NRP1: variants seen among roughly 807,000 people sequenced by gnomAD.
NRP1 encodes neuropilin-1.
In NRP1, 35 loss-of-function variants were observed where a neutral mutation model predicts 106.7. The observed-to-expected ratio is 0.33, with a 90% CI of 0.25 to 0.43. The LOEUF is 0.43. NRP1 is among the 20% of genes least tolerant of loss of function. The pLI is 1.00. For synonymous variants in NRP1, 437 were observed against 417.9 expected (o/e 1.05, Z -0.56); for missense variants, 1,024 against 1,170.4 (o/e 0.87, Z 1.83).
intron 2 of NRP1, among the ~76,000 whole-genome samples, chr10:33,290,914 A>G (rs1844948014): frequency 1.3e-5 from 2 of 152,122 alleles, no homozygotes; most frequent in Non-Finnish European, 2.9e-5. Context: ...TAATTTAAAC[A>G]TGGTCTCGTG....
At chr10:33,180,566 G>A (rs544804413) in intron 16 of NRP1, among the ~76,000 whole-genome samples, 6 of 152,272 alleles carry the variant, frequency 3.9e-5, no homozygotes, top group African/African-American at 9.6e-5. Flanking sequence ...TGCTTAGCAC[G>A]TGGAAACAAC....
intron 2 of NRP1, among the ~76,000 whole-genome samples, chr10:33,286,511 G>A (rs1844564886): frequency 6.6e-6 from 1 of 152,142 alleles, no homozygotes; most frequent in African/African-American, 2.4e-5. Flanking sequence ...TTTGGAGCAA[G>A]GATCCAGGAA....
At chr10:33,211,490 G>C (rs1398921044) in intron 9 of NRP1, 1 of 152,162 alleles carries the variant, frequency 6.6e-6, no homozygotes. Context: ...CAAGAAAAAA[G>C]GTAGCTGCAC....
At chr10:33,330,572 CAT>C (rs1848205583) in intron 2 of NRP1, 134 bp downstream of exon 2, 4 of 608,358 alleles carry the variant, frequency 6.6e-6, no homozygotes, top group Non-Finnish European at 1.0e-5. Flanking sequence ...ATACCATTGA[CAT>C]ATAATCTGGC....
chr10:33,232,190 C>T (rs995379164), intron 6 of NRP1, among the ~76,000 whole-genome samples: 1 of 152,170 alleles, frequency 6.6e-6, no homozygotes, highest in African/African-American at 2.4e-5. Flanking sequence ...AGTACTTCTA[C>T]ACAATGCCAC....
At chr10:33,318,067 T>C (rs1288655057) in intron 2 of NRP1, among the ~76,000 whole-genome samples, 1 of 152,224 alleles carries the variant, frequency 6.6e-6, no homozygotes, top group Non-Finnish European at 1.5e-5. Flanking sequence ...TATGTGTCTC[T>C]TGTATTCATA....
chr10:33,294,060 G>A (rs533616725), intron 2 of NRP1, among the ~76,000 whole-genome samples: 1 of 152,306 alleles, frequency 6.6e-6, no homozygotes, highest in South Asian at 2.1e-4. Flanking sequence ...AGTAGAATCT[G>A]TGGGCTTTGC....
At chr10:33,226,537 AGCAAG>A in intron 6 of NRP1, among the ~76,000 whole-genome samples, 1 of 152,368 alleles carries the variant, frequency 6.6e-6, no homozygotes, top group East Asian at 1.9e-4. Context: ...ACCTTGTCCC[AGCAAG>A]GGCATTCCAA....
chr10:33,232,676 G>A (rs1375899650), intron 6 of NRP1, among the ~76,000 whole-genome samples: 2 of 118,780 alleles, frequency 1.7e-5, no homozygotes, highest in Admixed American at 2.2e-4. Context: ...CAGAGTCTCA[G>A]TCTGTCCCCT....
At chr10:33,185,856 C>G (rs940053855) in intron 14 of NRP1, 132 bp from the exon 15 acceptor site, 13 of 759,144 alleles carry the variant, frequency 1.7e-5, no homozygotes, top group Non-Finnish European at 2.6e-5. Flanking sequence ...AGACTTCACT[C>G]ATCAATCCAC....
chr10:33,231,468 T>C (rs1481626111), intron 6 of NRP1, among the ~76,000 whole-genome samples: 1 of 152,178 alleles, frequency 6.6e-6, no homozygotes, highest in African/African-American at 2.4e-5. Context: ...AAAAATAAGG[T>C]CATATTACCT....
chr10:33,270,678 T>C lies in NRP1; in HGVS notation c.427A>G (p.Arg143Gly), dbSNP rs1250979931. ...GFSIRYEIFK[R>G]GPECSQNYTT... is the part of the protein sequence containing the mutation. ...CTACCGTAAGCTGTTCACTCACCTC[T>C]CTTGAAAATTTCATAACGTATGGAA... Residue 143 changes from arginine (R) to glycine (G), a missense_variant, in exon 3 of 17, where the codon AGA becomes GGA. By Grantham distance (125) the Arg-to-Gly change is moderately radical. Around this residue, in one of 5 missense-constraint regions of NRP1, gnomAD observed 279 missense variants for 327.4 expected, o/e 0.85. Coordinates refer to ENST00000374867, the MANE Select transcript of NRP1 (RefSeq NM_003873.7). 1 of 1,609,142 alleles carries C rather than the reference T, an allele frequency of 6.2e-7. No homozygotes were observed. Among genetic ancestry groups the C allele is most frequent in the African/African-American group, 1.3e-5 (1 of 74,808 alleles).
chr10:33,190,880 T>C (rs1048328367), intron 13 of NRP1, among the ~76,000 whole-genome samples: 2 of 152,010 alleles, frequency 1.3e-5, no homozygotes, highest in African/African-American at 4.8e-5. Context: ...TAGAGACAGG[T>C]TCTAATTCTG....
chr10:33,293,346 TCCTTAGAATTTTACAACCTG>T (rs1845137317), intron 2 of NRP1, among the ~76,000 whole-genome samples: 1 of 152,174 alleles, frequency 6.6e-6, no homozygotes, highest in Admixed American at 6.5e-5. Flanking sequence ...AACAGGGGCC[TCCTTAGAATTTTACAACCTG>T]TTTGGACTGT....
chr10:33,232,526 CTG>C (rs957737104), intron 6 of NRP1, among the ~76,000 whole-genome samples: 2 of 151,390 alleles, frequency 1.3e-5, no homozygotes, highest in Admixed American at 6.6e-5. Flanking sequence ...ACATTTCCCT[CTG>C]TGTGTGTGAC....
rs533391691 is a variant in NRP1 at position 33,250,998 on chromosome 10, C to T, written c.981+3030G>A. On this transcript the variant is annotated intron_variant, in intron 6 of 16. Transcript: ENST00000374867. ...GAGACCCAAGAACCATCATGATGAG[C>T]TGCAATCTTCCTCCCTCTGTGATAT... Among the ~76,000 whole-genome samples, 306 of 152,260 alleles carry T rather than the reference C, an allele frequency of 2.0e-3. 2 individuals are homozygous for T. The highest frequency in any genetic ancestry group is 7.2e-3 in the African/African-American group (301 of 41,540).
At chr10:33,294,558 T>C (rs982859822) in intron 2 of NRP1, among the ~76,000 whole-genome samples, 6 of 145,068 alleles carry the variant, frequency 4.1e-5, no homozygotes, top group Admixed American at 3.6e-4. Flanking sequence ...GCAGAGATTG[T>C]GGTGAGTTGA....
chr10:33,194,655 T>C, intron 12 of NRP1: 2 of 478,410 alleles, frequency 4.2e-6, no homozygotes, highest in South Asian at 3.1e-5. Flanking sequence ...ACTGCTCTTT[T>C]ATCTTCTTGT....
Position 33,260,027 on chromosome 10 carries a change from A to T in NRP1, c.659-3556T>A, listed in dbSNP as rs563312925. On this transcript the variant is annotated intron_variant, in intron 4 of 16. Transcript: ENST00000374867. The stretch of plus-strand genomic sequence containing the variant: ...ATGCCACTACCACCAGCTAATTTTT[A>T]AATTTTTTTTTGTAGAGACAGGGTC... 9.6e-4 allele frequency among the ~76,000 whole-genome samples: 145 copies of T among 151,774 alleles called. 1 individual carries two copies. The highest frequency in any genetic ancestry group is 3.5e-3 in the African/African-American group (144 of 41,406).
Sources: gnomAD v4.1 joint callset for allele counts (sites outside exome capture counted in the v4.1 genomes callset) on GRCh38, gnomAD v4.1.1 for gene constraint, gnomAD v4.1.1 regional missense constraint, MANE v1.5 for transcripts, NCBI Gene and HGNC (gene_info 2026-07-23, HGNC 2026-07-21) for gene names.